The following GLB1L3 variants were observed in gnomAD, a reference collection of about 807,000 sequenced individuals.
GLB1L3 encodes galactosidase beta 1 like 3.
A neutral mutation model predicts 89.5 loss-of-function variants in GLB1L3; 89 were observed. The ratio of observed to expected loss-of-function variants is 0.99; its 90% confidence interval spans 0.84 to 1.19. GLB1L3 has a LOEUF of 1.19. Among genes scored for constraint, GLB1L3 ranks in the 50% most tolerant of loss-of-function variants. GLB1L3 has a pLI of 0.00. For synonymous variants in GLB1L3, 314 were observed against 312.3 expected, an observed-to-expected ratio of 1.01 and a Z score of -0.06; for missense variants, 812 against 813.3, an observed-to-expected ratio of 1.00 and a Z score of 0.02.
chr11:134,309,112 A>T (rs571409265), intron 10 of GLB1L3, among the ~76,000 whole-genome samples: 1 of 152,230 alleles, frequency 6.6e-6, no homozygotes, highest in African/African-American at 2.4e-5. Flanking sequence ...TATGATTTCA[A>T]AAAACTTAAG....
At chr11:134,282,542 G>A (rs938615510) in intron 5 of GLB1L3, among the ~76,000 whole-genome samples, 4 of 152,186 alleles carry the variant, frequency 2.6e-5, no homozygotes, top group Non-Finnish European at 5.9e-5. Flanking sequence ...GACTCGGCTT[G>A]TTTTGAAAAC....
Position 134,318,884 on chromosome 11 carries a change from T to A in GLB1L3, c.1904T>A (p.Leu635Ter), listed in dbSNP as rs1943092297. ...WLHPEDNEVI[L>*]FEKMMSGSDI... ...CCTTTCTTTTCTTCTCAGGTCATCT[T>A]GTTTGAGAAGATGATGAGTGGCTCA... Residue 635 changes from leucine to a stop codon, truncating the protein, a stop_gained, in exon 20 of 20, where the codon TTG (leucine) becomes TAG (stop). Coordinates refer to ENST00000431683, the MANE Select transcript of GLB1L3 (RefSeq NM_001080407.3). LOFTEE classifies it low-confidence loss of function (END_TRUNC). 2 of 1,613,174 alleles carry A rather than the reference T, an allele frequency of 1.2e-6. No homozygotes were observed. Among genetic ancestry groups the A allele is most frequent in the Non-Finnish European group, 1.7e-6 (2 of 1,179,168 alleles).
At chr11:134,282,728 AC>A (rs1940767865) in intron 5 of GLB1L3, among the ~76,000 whole-genome samples, 1 of 152,068 alleles carries the variant, frequency 6.6e-6, no homozygotes, top group African/African-American at 2.4e-5. Flanking sequence ...CCTCTCTGCC[AC>A]CCCTGTGGTG....
At chr11:134,301,844 G>T (rs891166443) in intron 9 of GLB1L3, among the ~76,000 whole-genome samples, 1 of 152,052 alleles carries the variant, frequency 6.6e-6, no homozygotes, top group African/African-American at 2.4e-5. Flanking sequence ...TGGCCTATGA[G>T]TATGTTTAGA....
At chr11:134,304,201 A>G (rs1942079818) in intron 9 of GLB1L3, among the ~76,000 whole-genome samples, 1 of 151,920 alleles carries the variant, frequency 6.6e-6, no homozygotes, top group African/African-American at 2.4e-5. Context: ...GTATCTCTTT[A>G]GTTTGTACAT....
intron 9 of GLB1L3, among the ~76,000 whole-genome samples, chr11:134,302,046 C>T (rs1378588321): frequency 1.3e-5 from 2 of 152,166 alleles, no homozygotes; most frequent in Admixed American, 6.5e-5. Flanking sequence ...CTTAAAGTGG[C>T]TTCTCGCTGG....
chr11:134,285,125 T>C (rs1197678664), intron 6 of GLB1L3, among the ~76,000 whole-genome samples: 1 of 152,006 alleles, frequency 6.6e-6, no homozygotes, highest in Non-Finnish European at 1.5e-5. Context: ...AGATGGGGTT[T>C]CACTGTGTTA....
intron 6 of GLB1L3, among the ~76,000 whole-genome samples, chr11:134,286,681 G>A (rs1382239590): frequency 2.6e-5 from 4 of 151,506 alleles, no homozygotes; most frequent in African/African-American, 7.3e-5. Context: ...GGAGGCTGAG[G>A]CAGGAGAATG....
chr11:134,313,234 A>G (rs1025065212), intron 15 of GLB1L3, among the ~76,000 whole-genome samples, 162 bp from the exon 16 acceptor site: 3 of 152,170 alleles, frequency 2.0e-5, no homozygotes, highest in African/African-American at 4.8e-5. Flanking sequence ...AAGATTGACT[A>G]TAGGAACACA....
intron 13 of GLB1L3, chr11:134,311,736 TAAAC>T (rs1011522916): frequency 6.5e-5 from 10 of 152,672 alleles, no homozygotes; most frequent in African/African-American, 2.4e-4. Flanking sequence ...TTTAATGAAA[TAAAC>T]ATTTGCTTGG....
At chr11:134,285,130 G>A (rs1466878863) in intron 6 of GLB1L3, among the ~76,000 whole-genome samples, 2 of 151,800 alleles carry the variant, frequency 1.3e-5, no homozygotes, top group Non-Finnish European at 2.9e-5. Flanking sequence ...GGGTTTCACT[G>A]TGTTAGCCAG....
rs1940913449 is a variant in GLB1L3, at chr11:134,285,177, C to A, written c.636+1332C>A. Among the ~76,000 whole-genome samples the A allele has an allele frequency of 2.0e-5, 3 of 152,062 alleles. No individual in the cohort carries two copies. In the South Asian group the frequency reaches 6.2e-4, roughly 31 times the overall value. ...TCTCCTGACCTCGTGATCCCACCAC[C>A]TCTGCCTCCCAAAGTGCTGGGATTA... On this transcript the variant is annotated intron_variant, in intron 6 of 19. Transcript: ENST00000431683.
downstream of GLB1L3, among the ~76,000 whole-genome samples, chr11:134,322,764 G>C (rs1943182703): frequency 6.6e-6 from 1 of 152,100 alleles, no homozygotes; most frequent in African/African-American, 2.4e-5. Flanking sequence ...TTTCATGGCT[G>C]AATAATGTTC....
chr11:134,286,979 T>A (rs890302040), intron 6 of GLB1L3: 13 of 149,708 alleles, frequency 8.7e-5, no homozygotes, highest in African/African-American at 3.2e-4. Flanking sequence ...GCTAACACGG[T>A]GAAACCCCGT....
At chr11:134,304,137 T>A (rs563472983) in intron 9 of GLB1L3, among the ~76,000 whole-genome samples, 1 of 152,304 alleles carries the variant, frequency 6.6e-6, no homozygotes, top group East Asian at 1.9e-4. Flanking sequence ...GTTGTCTCAC[T>A]CCTCTCATCC....
chr11:134,312,621 G>A, intron 14 of GLB1L3, 132 bp downstream of exon 14: 2 of 1,217,764 alleles, frequency 1.6e-6, no homozygotes, highest in Middle Eastern at 2.8e-4. Context: ...GGACTAAAAA[G>A]TCAGGCCAAA....
chr11:134,301,192 A>G (rs1315802969), intron 9 of GLB1L3, among the ~76,000 whole-genome samples: 1 of 152,076 alleles, frequency 6.6e-6, no homozygotes, highest in Non-Finnish European at 1.5e-5. Flanking sequence ...TTTTCCATGG[A>G]TTTTAGGTAT....
At chr11:134,305,671 TAAA>T (rs1433165827) in intron 9 of GLB1L3, among the ~76,000 whole-genome samples, 1 of 151,972 alleles carries the variant, frequency 6.6e-6, no homozygotes, top group South Asian at 2.1e-4. Flanking sequence ...AAATTACAAA[TAAA>T]GAAGAAAATG....
At position 134,299,739 on chromosome 11, in the gene GLB1L3, A is replaced by C. The variant is rs776634918; in HGVS notation, c.876+6530A>C. On this transcript the variant is annotated intron_variant, in intron 9 of 19. Coordinates refer to ENST00000431683, the MANE Select transcript of GLB1L3 (RefSeq NM_001080407.3). ...TGGTGAGGGAGAAAGGCTTCCCCTGATGTTCTGATTATGCCTTATTGCCAG... is the reference window on the plus strand; with the variant it reads ...TGGTGAGGGAGAAAGGCTTCCCCTGCTGTTCTGATTATGCCTTATTGCCAG... Among the ~76,000 whole-genome samples, 37 of 152,132 alleles carry C rather than the reference A, an allele frequency of 2.4e-4. 1 individual carries two copies. The highest frequency in any genetic ancestry group is 4.4e-4 in the Non-Finnish European group (30 of 67,982).
Sources: allele counts gnomAD v4.1 joint callset (sites outside exome capture counted in the v4.1 genomes callset), GRCh38; gene constraint gnomAD v4.1.1; transcripts MANE v1.5; gene names NCBI Gene and HGNC (gene_info 2026-07-23, HGNC 2026-07-21).